The following PTPN14 variants were observed in gnomAD, a reference collection of about 807,000 sequenced individuals.
PTPN14 encodes tyrosine-protein phosphatase non-receptor type 14.
PTPN14 carries 53 observed loss-of-function variants against 126.8 expected under a neutral mutation model. The ratio of observed to expected loss-of-function variants is 0.42; its 90% confidence interval spans 0.34 to 0.53. PTPN14 has a LOEUF of 0.53. PTPN14 is among the 20% of genes least tolerant of loss of function. PTPN14 has a pLI of 0.08. For missense variants in PTPN14, 1,257 were observed against 1,552.9 expected (o/e 0.81, Z 3.20); for synonymous variants, 630 against 599.3 (o/e 1.05, Z -0.75).
chr1:214,384,384 G>A lies in PTPN14; in HGVS notation c.1471C>T (p.Arg491Trp), dbSNP rs138557012. ...EDLVYSQPEM[R>W]ERHPYTVPYG... ...GGGACAGTGTAGGGGTGCCTCTCCC[G>A]CATCTCCGGTTGGCTGTACACCAGA... is the stretch of plus-strand genomic sequence containing the variant. The change falls in exon 13 of 19, where the codon CGG (arginine) becomes TGG (tryptophan). Residue 491 changes from arginine to tryptophan, a missense_variant. This residue lies in a region of PTPN14 where 1,021 missense variants were observed against 1,183.3 expected (regional missense o/e 0.86). Transcript: ENST00000366956. This position sits in a 1 kb window ranked among gnomAD's most constrained non-coding sequence, Gnocchi z 5.3. The A allele has an allele frequency of 1.7e-3, 2,723 of 1,614,108 alleles. 1 individual carries two copies. The highest frequency in any genetic ancestry group is 2.1e-3 in the Non-Finnish European group (2,531 of 1,180,022).
chr1:214,384,027 G>T lies in PTPN14; in HGVS notation c.1828C>A (p.Gln610Lys). 6.2e-7 allele frequency: 1 copy of T among 1,600,416 alleles called. No individual in the cohort carries two copies. ...TGAACCACCGGAGAGCTGTCCTCTTGGAAGGTCTTCACCGAGAGCTGCACC... is the reference window on the plus strand; with the variant it reads ...TGAACCACCGGAGAGCTGTCCTCTTTGAAGGTCTTCACCGAGAGCTGCACC... ...RKVQLSVKTF[Q>K]EDSSPVVHQS... is the part of the protein sequence containing the mutation. Residue 610 changes from glutamine (Q) to lysine (K), a missense_variant, in exon 13 of 19, where the codon CAA becomes AAA. Transcript: ENST00000366956. The surrounding 1 kb of genome is among the most constrained non-coding windows in gnomAD (Gnocchi z 5.3).
At chr1:214,370,593 C>G (rs565747897) in intron 16 of PTPN14, among the ~76,000 whole-genome samples, 33 of 152,278 alleles carry the variant, frequency 2.2e-4, no homozygotes, top group African/African-American at 7.5e-4. Context: ...CTGACCAATG[C>G]GTTTTAGTTC....
At position 214,377,930 on chromosome 1, in the gene PTPN14, T is replaced by C. The variant is rs759813324; in HGVS notation, c.2688+29A>G. The C allele has an allele frequency of 3.1e-6, 5 of 1,603,194 alleles. 1 individual carries two copies. The South Asian group carries it at 5.6e-5, about 18-fold the overall frequency. ...TTTGGGATCCTAAGACTACAGAGAA[T>C]GAGTCACATTGACAAGCCTGCCACT... On this transcript the variant is annotated intron_variant, in intron 14 of 18. Transcript: ENST00000366956.
intron 3 of PTPN14, among the ~76,000 whole-genome samples, chr1:214,446,992 T>C (rs774496597): frequency 3.2e-4 from 48 of 152,328 alleles, no homozygotes; most frequent in Non-Finnish European, 5.9e-4. Flanking sequence ...CTATTTCTAA[T>C]CTATGCAAAT....
intron 13 of PTPN14, among the ~76,000 whole-genome samples, chr1:214,378,319 A>G (rs1658392485): frequency 6.6e-6 from 1 of 152,218 alleles, no homozygotes; most frequent in South Asian, 2.1e-4. Context: ...TTAACTCCTT[A>G]GCTAGATAGA....
chr1:214,518,166 G>A (rs765609452), intron 1 of PTPN14, among the ~76,000 whole-genome samples: 16 of 152,166 alleles, frequency 1.1e-4, no homozygotes, highest in Non-Finnish European at 1.9e-4. Flanking sequence ...CCATGGATGG[G>A]ATGAATTTCT....
At position 214,357,983 on chromosome 1, in the gene PTPN14, G is replaced by C. The variant is rs761135915; in HGVS notation, c.3503C>G (p.Ala1168Gly). The C allele has an allele frequency of 3.7e-6, 6 of 1,613,530 alleles. No homozygotes were observed. The Admixed American group carries it at 8.3e-5, about 22-fold the overall frequency. Residue 1168 changes from alanine (A) to glycine (G), a missense_variant, in exon 19 of 19, where the codon GCT becomes GGT. By Grantham distance (60) the Ala-to-Gly change is moderately conservative (BLOSUM62 0). Around this residue, in one of 3 missense-constraint regions of PTPN14, gnomAD observed 171 missense variants for 229.8 expected, o/e 0.74. Coordinates refer to ENST00000366956, the MANE Select transcript of PTPN14 (RefSeq NM_005401.5). Reference protein sequence around the residue: ...EQRMFMIQTIAQYKFVYQVLI... With the variant: ...EQRMFMIQTIGQYKFVYQVLI... ...GACTTGGTAGACAAACTTGTACTGAGCGATAGTCTGGATCATGAACATCCT... is the reference window on the plus strand; with the variant it reads ...GACTTGGTAGACAAACTTGTACTGACCGATAGTCTGGATCATGAACATCCT...
In PTPN14 at chr1:214,379,639, C is replaced by T. The variant is rs138500346; in HGVS notation, c.2545-1537G>A. On this transcript the variant is annotated intron_variant, in intron 13 of 18. Coordinates refer to ENST00000366956, the MANE Select transcript of PTPN14 (RefSeq NM_005401.5). ...ACCTGCCTCCCATTCTATTCAAAGTCACCCCTCTGCTCACTGAGATAAATG... is the reference window on the plus strand; with the variant it reads ...ACCTGCCTCCCATTCTATTCAAAGTTACCCCTCTGCTCACTGAGATAAATG... Among the ~76,000 whole-genome samples the T allele has an allele frequency of 8.5e-3, 1,293 of 152,342 alleles. 16 individuals carry two copies. The highest frequency in any genetic ancestry group is 0.028 in the African/African-American group (1,167 of 41,568).
intron 2 of PTPN14, among the ~76,000 whole-genome samples, chr1:214,462,608 G>A (rs1222435728): frequency 2.0e-5 from 3 of 152,204 alleles, no homozygotes; most frequent in Admixed American, 2.0e-4. Context: ...CAGCAAGACT[G>A]CAGTGTTCAG....
At chr1:214,488,656 G>T (rs1661168081) in intron 1 of PTPN14, among the ~76,000 whole-genome samples, 1 of 152,214 alleles carries the variant, frequency 6.6e-6, no homozygotes, top group East Asian at 1.9e-4. Context: ...GTCAGACACT[G>T]TGGATCTAAA....
chr1:214,395,116 T>G, intron 8 of PTPN14, 130 bp from the exon 9 acceptor site: 5 of 834,356 alleles, frequency 6.0e-6, no homozygotes, highest in Non-Finnish European at 9.9e-6. Flanking sequence ...TTAAGTGAAA[T>G]GTTCTTTCAA....
intron 2 of PTPN14, among the ~76,000 whole-genome samples, chr1:214,456,972 C>T (rs1414815603): frequency 6.6e-6 from 1 of 152,196 alleles, no homozygotes. Context: ...CTATAAAATA[C>T]AGCAGAATTC....
Position 214,464,666 on chromosome 1 carries a change from G to A in PTPN14, c.138C>T (p.Cys46=), listed in dbSNP as rs1236079084. ...CCAGCCTCTGGGCCACAGCCTCCAG[G>A]CATTCTTGCCCTGTGCTTTCCACCG... ...TLSVESTGQE[C]LEAVAQRLEL... is the part of the protein sequence containing the mutation. Residue 46 remains cysteine (C), a synonymous_variant, in exon 2 of 19, where the codon TGC becomes TGT. Transcript: ENST00000366956. The A allele has an allele frequency of 1.2e-6, 2 of 1,614,130 alleles. No homozygotes were observed. Among genetic ancestry groups the A allele is most frequent in the Non-Finnish European group, 1.7e-6 (2 of 1,180,038 alleles).
At chr1:214,365,191 TTAAAG>T (rs1364738103) in intron 17 of PTPN14, among the ~76,000 whole-genome samples, 2 of 152,220 alleles carry the variant, frequency 1.3e-5, no homozygotes, top group Non-Finnish European at 2.9e-5. Context: ...TTTTTGGGTT[TTAAAG>T]TAGACTTTGG....
intron 11 of PTPN14, among the ~76,000 whole-genome samples, chr1:214,389,523 T>C (rs1658702674): frequency 6.6e-6 from 1 of 152,202 alleles, no homozygotes; most frequent in African/African-American, 2.4e-5. Context: ...AGAGACAGTG[T>C]TATTTGGTCT....
Position 214,425,978 on chromosome 1 carries a change from T to A in PTPN14, c.345-11252A>T, listed in dbSNP as rs1203702505. On this transcript the variant is annotated intron_variant, in intron 3 of 18. Transcript: ENST00000366956. Reference sequence around the variant, plus strand: ...AGTCAAGTGCTCTTTTATTACAACATTGTGCCTGTGTAGTAGGTTAGTCTA... The same window carrying A: ...AGTCAAGTGCTCTTTTATTACAACAATGTGCCTGTGTAGTAGGTTAGTCTA... 5.1e-5 allele frequency among the ~76,000 whole-genome samples: 7 copies of A among 136,990 alleles called. No individual in the cohort carries two copies. In the East Asian group the frequency reaches 1.5e-3, roughly 29 times the overall value. The allele number at this position is 136,990 out of a possible 152,430, so 89.9% of individuals were successfully genotyped here. A position where few individuals can be genotyped will look rare whatever the true frequency, so the allele number is the denominator to read the frequency against.
intron 3 of PTPN14, among the ~76,000 whole-genome samples, chr1:214,440,138 C>G (rs1660006940): frequency 6.6e-6 from 1 of 152,194 alleles, no homozygotes; most frequent in African/African-American, 2.4e-5. Context: ...CATTCCAGAA[C>G]CACCTTAAGA....
chr1:214,350,174 A>G lies in PTPN14; in HGVS notation c.*7748T>C, dbSNP rs1289544034. On this transcript the variant is annotated 3_prime_UTR_variant, in exon 19 of 19. Coordinates refer to ENST00000366956, the MANE Select transcript of PTPN14 (RefSeq NM_005401.5). The stretch of plus-strand genomic sequence containing the variant: ...CCGCTAATCTTTCCCCTTCCTAGGT[A>G]AGTGAAAACAGATAAAATGTTTCTG... 1 of 152,070 alleles carries G rather than the reference A, an allele frequency of 6.6e-6. No homozygotes were observed. The highest frequency in any genetic ancestry group is 1.5e-5 in the Non-Finnish European group (1 of 68,044). 9.4% of individuals were successfully genotyped at this position (152,070 alleles called of 1,614,324 possible).
At chr1:214,467,529 T>G (rs1269270984) in intron 1 of PTPN14, among the ~76,000 whole-genome samples, 1 of 151,514 alleles carries the variant, frequency 6.6e-6, no homozygotes, top group Non-Finnish European at 1.5e-5. Flanking sequence ...AAAAGTAAAC[T>G]TTAAACAACA....
Sources: gnomAD v4.1 joint callset for allele counts (sites outside exome capture counted in the v4.1 genomes callset) on GRCh38, gnomAD v4.1.1 for gene constraint, gnomAD v4.1.1 regional missense constraint, Gnocchi (gnomAD v3.1) non-coding constraint, MANE v1.5 for transcripts, NCBI Gene and HGNC (gene_info 2026-07-23, HGNC 2026-07-21) for gene names.